ARHGEF10L: variants seen among roughly 807,000 people sequenced by gnomAD.
ARHGEF10L encodes the protein rho guanine nucleotide exchange factor 10-like protein.
A neutral mutation model predicts 141.2 loss-of-function variants in ARHGEF10L; 69 were observed. The ratio of observed to expected loss-of-function variants is 0.49; its 90% confidence interval spans 0.40 to 0.60. The LOEUF is 0.60. Ranked by LOEUF, ARHGEF10L falls within the 20% of genes least tolerant of loss-of-function variation. The pLI, the probability that ARHGEF10L is intolerant of heterozygous loss-of-function variation, is 0.00. For synonymous variants in ARHGEF10L, 711 were observed against 718.5 expected (o/e 0.99, Z 0.17); for missense variants, 1,482 against 1,734.3 (o/e 0.85, Z 2.58).
chr1:17,543,196 G>A (rs1273449560), intron 1 of ARHGEF10L, among the ~76,000 whole-genome samples: 1 of 152,246 alleles, frequency 6.6e-6, no homozygotes, highest in African/African-American at 2.4e-5. Flanking sequence ...GTCCTGGGCA[G>A]TGGTGAGTTG....
chr1:17,549,858 G>A (rs2077047568), intron 1 of ARHGEF10L, among the ~76,000 whole-genome samples: 1 of 152,238 alleles, frequency 6.6e-6, no homozygotes, highest in African/African-American at 2.4e-5. Flanking sequence ...TGATGTGGAA[G>A]CACTTGACTC....
In ARHGEF10L at chr1:17,664,627, G is replaced by A. The variant is rs112397939; in HGVS notation, c.3009+32G>A. ...CACTATCCTTTGGCTTGTGGCCCTG[G>A]AGGCCTGCCTTCCTTTTGCTGACCC... On this transcript the variant is annotated intron_variant, in intron 26 of 28. Transcript: ENST00000361221. The A allele has an allele frequency of 1.7e-5, 25 of 1,492,650 alleles. No homozygotes were observed. In the African/African-American group the frequency reaches 3.4e-4, roughly 20 times the overall value. 92.5% of individuals were successfully genotyped at this position (1,492,650 alleles called of 1,614,324 possible). A position where few individuals can be genotyped will look rare whatever the true frequency, so the allele number is the denominator to read the frequency against.
At chr1:17,684,606 C>T (rs1356927165) in intron 26 of ARHGEF10L, among the ~76,000 whole-genome samples, 4 of 152,206 alleles carry the variant, frequency 2.6e-5, no homozygotes, top group Non-Finnish European at 5.9e-5. Flanking sequence ...AGACAGTTCG[C>T]TTCCTCTGAG....
chr1:17,656,742 G>A lies in ARHGEF10L; in HGVS notation c.2860+34G>A. Reference sequence around the variant, plus strand: ...TGGGGGGAATGGGGGAAGGGGGGCAGTCCTGGATGCCAGCTGGGTGCCAGA... The same window carrying A: ...TGGGGGGAATGGGGGAAGGGGGGCAATCCTGGATGCCAGCTGGGTGCCAGA... On this transcript the variant is annotated intron_variant, in intron 25 of 28. Coordinates refer to ENST00000361221, the MANE Select transcript of ARHGEF10L (RefSeq NM_018125.4). This position sits in a 1 kb window ranked among gnomAD's most constrained non-coding sequence, Gnocchi z 4.9. 1 of 1,590,092 alleles carries A rather than the reference G, an allele frequency of 6.3e-7. No homozygotes were observed. The highest frequency in any genetic ancestry group is 1.1e-5 in the South Asian group (1 of 88,846).
intron 1 of ARHGEF10L, among the ~76,000 whole-genome samples, chr1:17,544,420 G>A (rs1490122158): frequency 1.3e-5 from 2 of 151,100 alleles, no homozygotes; most frequent in Admixed American, 6.6e-5. Flanking sequence ...TCAGCCTCCC[G>A]AGTAGCTGGG....
At chr1:17,682,596 G>A (rs2102434167) in intron 26 of ARHGEF10L, among the ~76,000 whole-genome samples, 1 of 152,348 alleles carries the variant, frequency 6.6e-6, no homozygotes, top group Non-Finnish European at 1.5e-5. Flanking sequence ...GTTGTAGCCT[G>A]AGGGGCATTG....
In ARHGEF10L at chr1:17,687,503, G is replaced by T. The variant is rs1038315846; in HGVS notation, c.3010-70G>T. ...AGAATGTGAGAATGGCTGGCCCAGG[G>T]GTGGGGGCTTGTAGGGAGGCTCAGC... On this transcript the variant is annotated intron_variant, in intron 26 of 28. Coordinates refer to ENST00000361221, the MANE Select transcript of ARHGEF10L (RefSeq NM_018125.4). 7.6e-5 allele frequency: 118 copies of T among 1,555,198 alleles called. 1 individual carries two copies. The highest frequency in any genetic ancestry group is 1.0e-4 in the Non-Finnish European group (114 of 1,134,874).
the ARHGEF10L span, among the ~76,000 whole-genome samples, chr1:17,531,086 C>T: frequency 5.9e-5 from 9 of 152,308 alleles, no homozygotes; most frequent in South Asian, 1.9e-3. Context: ...TCAATGGGAT[C>T]ATGCATGAAG....
intron 26 of ARHGEF10L, among the ~76,000 whole-genome samples, chr1:17,674,157 T>C (rs1040859965): frequency 6.6e-6 from 1 of 152,182 alleles, no homozygotes; most frequent in East Asian, 1.9e-4. Flanking sequence ...CTCTCTCCTT[T>C]GCTTTCTTTC....
chr1:17,567,914 C>G (rs1395172575), intron 1 of ARHGEF10L, among the ~76,000 whole-genome samples: 1 of 152,218 alleles, frequency 6.6e-6, no homozygotes, highest in Non-Finnish European at 1.5e-5. Context: ...GATCCTCCCC[C>G]TTCCTGTCCT....
the ARHGEF10L span, among the ~76,000 whole-genome samples, chr1:17,523,381 G>A: frequency 4.6e-5 from 7 of 151,844 alleles, no homozygotes; most frequent in African/African-American, 1.5e-4. Context: ...GAGCCACCGC[G>A]CCCGGCCCAC....
the ARHGEF10L span, among the ~76,000 whole-genome samples, chr1:17,514,773 A>G: frequency 6.6e-6 from 1 of 152,284 alleles, no homozygotes; most frequent in Admixed American, 6.5e-5. Context: ...GGGGACCTCT[A>G]AAAGTCATCC....
At chr1:17,561,053 G>A (rs113476353) in intron 1 of ARHGEF10L, among the ~76,000 whole-genome samples, 1 of 152,334 alleles carries the variant, frequency 6.6e-6, no homozygotes, top group East Asian at 1.9e-4. Context: ...GCCTTGCTCA[G>A]CCTTTGGGGC....
At chr1:17,567,553 A>C (rs1165970741) in intron 1 of ARHGEF10L, among the ~76,000 whole-genome samples, 1 of 152,104 alleles carries the variant, frequency 6.6e-6, no homozygotes, top group Non-Finnish European at 1.5e-5. Context: ...TTTTTAGTAG[A>C]GACAGGGTTT....
chr1:17,638,764 G>A, intron 20 of ARHGEF10L, 75 bp downstream of exon 20: 1 of 1,587,206 alleles, frequency 6.3e-7, no homozygotes, highest in South Asian at 1.1e-5. Flanking sequence ...TCCGGAGAGG[G>A]TACCTGGAGC....
intron 15 of ARHGEF10L, among the ~76,000 whole-genome samples, chr1:17,631,081 G>T (rs192592130): frequency 1.3e-4 from 19 of 150,992 alleles, no homozygotes; most frequent in Middle Eastern, 3.5e-3. Flanking sequence ...CTGTCCTGGG[G>T]TTGCCTGGGG....
chr1:17,516,331 C>T, the ARHGEF10L span, among the ~76,000 whole-genome samples: 8 of 152,266 alleles, frequency 5.3e-5, no homozygotes, highest in South Asian at 4.1e-4. Context: ...TTGCCCTCCT[C>T]GGGCCTTTGC....
chr1:17,565,311 A>G (rs1441674730), intron 1 of ARHGEF10L, among the ~76,000 whole-genome samples: 4 of 152,292 alleles, frequency 2.6e-5, no homozygotes, highest in Non-Finnish European at 5.9e-5. Context: ...GGGGATAAAA[A>G]CATGCAAATA....
At chr1:17,548,352 A>T (rs1449405865) in intron 1 of ARHGEF10L, among the ~76,000 whole-genome samples, 1 of 152,196 alleles carries the variant, frequency 6.6e-6, no homozygotes, top group East Asian at 1.9e-4. Flanking sequence ...AGCTTACGTA[A>T]CATTTTAACA....
Sources: allele counts gnomAD v4.1 joint callset (sites outside exome capture counted in the v4.1 genomes callset), GRCh38; gene constraint gnomAD v4.1.1; non-coding constraint Gnocchi (gnomAD v3.1); transcripts MANE v1.5; gene names NCBI Gene and HGNC (gene_info 2026-07-23, HGNC 2026-07-21).